TSHR: variants seen among roughly 807,000 people sequenced by gnomAD.
TSHR encodes thyroid stimulating hormone receptor, also known as thyrotropin receptor.
TSHR carries 51 observed loss-of-function variants against 64.1 expected under a neutral mutation model. The observed-to-expected ratio is 0.80, with a 90% CI of 0.64 to 1.01. The LOEUF (loss-of-function observed/expected upper bound fraction) is 1.01. Among genes scored for constraint, TSHR ranks in the 50% least tolerant of loss-of-function variants. TSHR has a pLI of 0.00. For missense variants in TSHR, 877 were observed against 942.8 expected (o/e 0.93, Z 0.91); for synonymous variants, 361 against 361.9 (o/e 1.00, Z 0.03).
intron 1 of TSHR, among the ~76,000 whole-genome samples, chr14:81,008,376 G>GT (rs1294346700): frequency 2.0e-5 from 3 of 151,986 alleles, no homozygotes; most frequent in African/African-American, 7.3e-5. Context: ...GTTTCACCTT[G>GT]TTAGCCAGGA....
intron 1 of TSHR, among the ~76,000 whole-genome samples, chr14:81,011,584 A>C (rs893115751): frequency 1.3e-5 from 2 of 151,766 alleles, no homozygotes; most frequent in Non-Finnish European, 2.9e-5. Flanking sequence ...ATTTTGCTAC[A>C]TGTTTATCTA....
At chr14:80,976,104 G>A (rs1444607402) in intron 1 of TSHR, among the ~76,000 whole-genome samples, 1 of 152,100 alleles carries the variant, frequency 6.6e-6, no homozygotes, top group Non-Finnish European at 1.5e-5. Context: ...CTAGAGACGG[G>A]GTTTCACCGT....
intron 8 of TSHR, chr14:81,108,847 C>G: frequency 4.1e-6 from 6 of 1,480,766 alleles, no homozygotes; most frequent in South Asian, 1.3e-5. Context: ...ATGCCTGGCA[C>G]AAAGAAGGAA....
chr14:81,005,760 C>G (rs1889569027), intron 1 of TSHR, among the ~76,000 whole-genome samples: 1 of 152,102 alleles, frequency 6.6e-6, no homozygotes, highest in African/African-American at 2.4e-5. Flanking sequence ...GGTATGACGT[C>G]AGTAAGGAGT....
At chr14:81,029,264 T>C (rs373039403) in intron 1 of TSHR, among the ~76,000 whole-genome samples, 3 of 152,142 alleles carry the variant, frequency 2.0e-5, no homozygotes, top group South Asian at 4.1e-4. Flanking sequence ...GGGTTTTTTT[T>C]AATTATGAGG....
chr14:81,028,695 C>T (rs7161100), intron 1 of TSHR, among the ~76,000 whole-genome samples: 14,465 of 152,128 alleles, frequency 0.095, 2,307 homozygotes, highest in African/African-American at 0.33. Context: ...GATTTCAACA[C>T]TTTTTGTATA....
At chr14:81,033,451 G>A (rs959888435) in intron 1 of TSHR, 1 of 163,428 alleles carries the variant, frequency 6.1e-6, no homozygotes, top group African/African-American at 2.4e-5. Flanking sequence ...TCCTTTCAGG[G>A]TTTGAAACAA....
In TSHR at chr14:81,130,920, A is replaced by G. The variant is rs1273273611; in HGVS notation, c.693-8759A>G. On this transcript the variant is annotated intron_variant, in intron 8 of 9. Coordinates refer to ENST00000298171, the MANE Select transcript of TSHR (RefSeq NM_000369.5). ...GCAGGAGAATGGCGTGAACCCGGGA[A>G]GCGGAGCTTGCAGTGAGCCGAGATT... Among the ~76,000 whole-genome samples, 7 of 91,074 alleles carry G rather than the reference A, an allele frequency of 7.7e-5. 2 individuals carry two copies. Among genetic ancestry groups the G allele is most frequent in the South Asian group, 4.6e-4 (1 of 2,164 alleles). 59.7% of individuals were successfully genotyped at this position (91,074 alleles called of 152,430 possible).
In TSHR at chr14:81,139,731, C is replaced by T. The variant is rs2140102261; in HGVS notation, c.745C>T (p.Leu249=). The T allele has an allele frequency of 6.2e-7, 1 of 1,614,196 alleles. No homozygotes were observed. The highest frequency in any genetic ancestry group is 8.5e-7 in the Non-Finnish European group (1 of 1,180,038). The change falls in exon 9 of 10, where the codon CTG becomes TTG. Residue 249 remains leucine (L), a synonymous_variant. Transcript: ENST00000298171. The stretch of plus-strand genomic sequence containing the variant: ...CCTTCCATCCAAAGGCCTGGAGCAC[C>T]TGAAGGAACTGATAGCAAGAAACAC... ...TALPSKGLEH[L]KELIARNTWT...
At chr14:80,982,840 G>A (rs1168656978) in intron 1 of TSHR, 16 of 499,676 alleles carry the variant, frequency 3.2e-5, no homozygotes, top group Admixed American at 1.4e-4. Flanking sequence ...TTTTGGTTCC[G>A]ACCCTTGCAT....
Position 81,073,249 on chromosome 14 carries a change from T to C in TSHR, c.317+4921T>C, listed in dbSNP as rs553499842. On this transcript the variant is annotated intron_variant, in intron 3 of 9. Transcript: ENST00000298171. ...GTAGAACTAAAAAGATAAACAATAA[T>C]TGGCAATCATACTGAGAGCTTATTT... is the stretch of plus-strand genomic sequence containing the variant. Among the ~76,000 whole-genome samples, 56 of 151,344 alleles carry C rather than the reference T, an allele frequency of 3.7e-4. No homozygotes were observed. The South Asian group carries it at 1.0e-2, about 27-fold the overall frequency.
chr14:81,001,398 C>T (rs1375585957), intron 1 of TSHR: 16 of 404,408 alleles, frequency 4.0e-5, no homozygotes, highest in Non-Finnish European at 5.9e-5. Flanking sequence ...TGGGTTAATC[C>T]GACCATGAGC....
chr14:81,028,094 C>G (rs1485298591), intron 1 of TSHR, among the ~76,000 whole-genome samples: 1 of 152,062 alleles, frequency 6.6e-6, no homozygotes, highest in Non-Finnish European at 1.5e-5. Context: ...GGAAGAGAGA[C>G]CTTACGATAC....
chr14:81,144,603 T>A lies in TSHR; in HGVS notation c.*250T>A. 1 of 520,822 alleles carries A rather than the reference T, an allele frequency of 1.9e-6. No homozygotes were observed. 32.3% of individuals were successfully genotyped at this position (520,822 alleles called of 1,614,324 possible). On this transcript the variant is annotated 3_prime_UTR_variant, in exon 10 of 10. Coordinates refer to ENST00000298171, the MANE Select transcript of TSHR (RefSeq NM_000369.5). ...GGTGAAATCAAAATAATCTACACTA[T>A]CTAGAAGACTTTCTTGATGCCAAGT...
In TSHR at chr14:81,073,009, A is replaced by T. The variant is rs1187330235; in HGVS notation, c.317+4681A>T. The stretch of plus-strand genomic sequence containing the variant: ...GAGACTCCGTCTCAAAAAAAAAAAA[A>T]AATAAAAAATAAATATATATATATA... On this transcript the variant is annotated intron_variant, in intron 3 of 9. Transcript: ENST00000298171. 1.4e-4 allele frequency among the ~76,000 whole-genome samples: 10 copies of T among 70,380 alleles called. 2 individuals are homozygous for T. Among genetic ancestry groups the T allele is most frequent in the East Asian group, 3.5e-4 (1 of 2,822 alleles). The allele number at this position is 70,380 out of a possible 152,430, so 46.2% of individuals were successfully genotyped here.
At chr14:81,022,864 G>A (rs949118113) in intron 1 of TSHR, among the ~76,000 whole-genome samples, 1 of 152,004 alleles carries the variant, frequency 6.6e-6, no homozygotes, top group Non-Finnish European at 1.5e-5. Flanking sequence ...GAGGTGATTG[G>A]GTCATGAAGG....
intron 8 of TSHR, among the ~76,000 whole-genome samples, chr14:81,112,582 A>T (rs12888772): frequency 0.78 from 119,192 of 152,090 alleles, 46,974 homozygotes; most frequent in Middle Eastern, 0.83. Flanking sequence ...TCCAATCCCA[A>T]CAATCTGGTT....
rs1337124623 is a variant in TSHR, at chr14:81,002,969, TCCCTCCC to T, written c.170+47129_170+47135del. ...GCATTAGGTATATCTCCCAATGCTA[TCCCTCCC>T]CCCTCCCCCGACCCCACCACAGTCC... On this transcript the variant is annotated intron_variant, in intron 1 of 9. Coordinates refer to ENST00000298171, the MANE Select transcript of TSHR (RefSeq NM_000369.5). Among the ~76,000 whole-genome samples, 2 of 56,884 alleles carry T rather than the reference TCCCTCCC, an allele frequency of 3.5e-5. 1 individual carries two copies. Among genetic ancestry groups the T allele is most frequent in the Admixed American group, 4.7e-4 (2 of 4,286 alleles). 37.3% of individuals were successfully genotyped at this position (56,884 alleles called of 152,430 possible).
intron 1 of TSHR, among the ~76,000 whole-genome samples, chr14:81,011,105 G>C (rs552869851): frequency 7.8e-4 from 119 of 152,258 alleles, no homozygotes; most frequent in Non-Finnish European, 1.4e-3. Context: ...GACTGAGTTG[G>C]GTTTTTCCTT....
Sources: allele counts gnomAD v4.1 joint callset (sites outside exome capture counted in the v4.1 genomes callset), GRCh38; gene constraint gnomAD v4.1.1; transcripts MANE v1.5; gene names NCBI Gene and HGNC (gene_info 2026-07-23, HGNC 2026-07-21).